The following ARHGEF12 variants were observed in gnomAD, a reference collection of about 807,000 sequenced individuals.
The protein encoded by ARHGEF12 is Rho guanine nucleotide exchange factor 12.
In ARHGEF12, 66 loss-of-function variants were observed where a neutral mutation model predicts 211.2. The ratio of observed to expected loss-of-function variants is 0.31; its 90% CI spans 0.26 to 0.38. The LOEUF (loss-of-function observed/expected upper bound fraction) is 0.38, where lower values mean the gene tolerates loss of function less well. Among genes scored for constraint, ARHGEF12 ranks in the 10% least tolerant of loss-of-function variants. The pLI, the probability that ARHGEF12 is intolerant of heterozygous loss-of-function variation, is 1.00. For synonymous variants in ARHGEF12, 592 were observed against 638.4 expected (o/e 0.93, Z 1.09); for missense variants, 1,429 against 1,869.5 (o/e 0.76, Z 4.34).
rs557241801 is a variant in ARHGEF12, at chr11:120,467,125, G to A, written c.2740-69G>A. On this transcript the variant is annotated intron_variant, in intron 28 of 40. Transcript: ENST00000397843. ...GAACTGTGATGCATTAAACCCTCAC[G>A]GTGAATACATGGTACATGTATAAGT... 1.9e-4 allele frequency: 184 copies of A among 979,942 alleles called. No individual in the cohort carries two copies. In the African/African-American group the frequency reaches 2.6e-3, roughly 14 times the overall value. 60.7% of individuals were successfully genotyped at this position (979,942 alleles called of 1,614,324 possible). A position where few individuals can be genotyped will look rare whatever the true frequency, so the allele number is the denominator to read the frequency against.
chr11:120,428,982 G>T (rs1945441263), intron 8 of ARHGEF12, among the ~76,000 whole-genome samples: 1 of 152,158 alleles, frequency 6.6e-6, no homozygotes, highest in African/African-American at 2.4e-5. Context: ...AAGAGTACAT[G>T]ATTATCCTAG....
chr11:120,341,324 C>CTGGGATTACAGGCTTGAGCCAT (rs56979770), intron 1 of ARHGEF12, among the ~76,000 whole-genome samples: 12 of 152,262 alleles, frequency 7.9e-5, no homozygotes, highest in African/African-American at 2.4e-4. Flanking sequence ...TCCCAAAGTG[C>CTGGGATTACAGGCTTGAGCCAT]CGGGATTACA....
At chr11:120,426,728 A>T (rs1945354999) in intron 7 of ARHGEF12, among the ~76,000 whole-genome samples, 2 of 152,244 alleles carry the variant, frequency 1.3e-5, no homozygotes, top group Non-Finnish European at 1.5e-5. Context: ...ACACCAAAAC[A>T]CTGTGAAATA....
At chr11:120,416,193 G>A (rs1945022081) in intron 4 of ARHGEF12, among the ~76,000 whole-genome samples, 1 of 151,974 alleles carries the variant, frequency 6.6e-6, no homozygotes, top group African/African-American at 2.4e-5. Context: ...TTTTCTCTCC[G>A]ATGACCTCCC....
chr11:120,483,088 G>A (rs1947296938), intron 39 of ARHGEF12, among the ~76,000 whole-genome samples: 1 of 152,048 alleles, frequency 6.6e-6, no homozygotes, highest in South Asian at 2.1e-4. Context: ...ACTTCACAGA[G>A]TGTACTTACA....
chr11:120,446,105 G>A (rs1946037946), intron 16 of ARHGEF12, among the ~76,000 whole-genome samples: 1 of 151,836 alleles, frequency 6.6e-6, no homozygotes, highest in South Asian at 2.1e-4. Flanking sequence ...GGCTGAGGCA[G>A]GAGAATGGCA....
At chr11:120,448,522 A>G (rs1946111927) in intron 20 of ARHGEF12, 174 bp downstream of exon 20, 4 of 598,358 alleles carry the variant, frequency 6.7e-6, no homozygotes, top group Admixed American at 6.2e-5. Flanking sequence ...TGAGAAATCC[A>G]GACATATAAA....
Position 120,374,802 on chromosome 11 carries a change from GACTAATTCATTAC to G in ARHGEF12, c.33-31314_33-31302del, listed in dbSNP as rs1413825351. On this transcript the variant is annotated intron_variant, in intron 1 of 40. Transcript: ENST00000397843. ...GTTACAGCAAAGATTATGCTTTTAT[GACTAATTCATTAC>G]ATTGAGTCATACATATTAATGATTC... Among the ~76,000 whole-genome samples the G allele has an allele frequency of 2.0e-5, 3 of 152,134 alleles. No homozygotes were observed. The East Asian group carries it at 5.8e-4, about 29-fold the overall frequency.
intron 4 of ARHGEF12, among the ~76,000 whole-genome samples, chr11:120,419,304 A>G (rs778078815): frequency 4.6e-5 from 7 of 151,276 alleles, no homozygotes; most frequent in Non-Finnish European, 1.0e-4. Context: ...ATTTTTGTCC[A>G]GTTTCCTAGG....
chr11:120,339,406 A>G (rs1942461992), intron 1 of ARHGEF12, among the ~76,000 whole-genome samples: 1 of 152,176 alleles, frequency 6.6e-6, no homozygotes, highest in Non-Finnish European at 1.5e-5. Flanking sequence ...AGTTACGAGT[A>G]TATAATAGTT....
chr11:120,377,288 A>G (rs1413879591), intron 1 of ARHGEF12, among the ~76,000 whole-genome samples: 1 of 152,052 alleles, frequency 6.6e-6, no homozygotes, highest in Non-Finnish European at 1.5e-5. Context: ...TGCCTTTTCT[A>G]CTTCATGTAA....
chr11:120,383,220 T>C (rs1358351469), intron 1 of ARHGEF12, among the ~76,000 whole-genome samples: 1 of 151,732 alleles, frequency 6.6e-6, no homozygotes, highest in Non-Finnish European at 1.5e-5. Context: ...TGTGAAGAAG[T>C]TAAGAGTGTA....
chr11:120,485,042 T>C, intron 40 of ARHGEF12, 25 bp from the exon 41 acceptor site: 1 of 1,610,724 alleles, frequency 6.2e-7, no homozygotes, highest in East Asian at 2.2e-5. Context: ...TTAATATCAT[T>C]TCCATGTATC....
intron 1 of ARHGEF12, among the ~76,000 whole-genome samples, chr11:120,401,705 T>A (rs753086877): frequency 1.1e-4 from 16 of 152,202 alleles, no homozygotes; most frequent in Non-Finnish European, 2.4e-4. Flanking sequence ...CAGGAAAATT[T>A]AAAGTGCAGA....
At chr11:120,464,809 A>G (rs1946647758) in intron 27 of ARHGEF12, 1 of 156,730 alleles carries the variant, frequency 6.4e-6, no homozygotes, top group Admixed American at 6.4e-5. Flanking sequence ...GGAGTTTGAG[A>G]ACAGCCTGGC....
intron 1 of ARHGEF12, among the ~76,000 whole-genome samples, chr11:120,400,352 T>G (rs890976690): frequency 2.0e-5 from 3 of 152,328 alleles, no homozygotes; most frequent in Non-Finnish European, 4.4e-5. Context: ...GAGTCCAGTT[T>G]ATTTACATTT....
intron 30 of ARHGEF12, among the ~76,000 whole-genome samples, chr11:120,470,239 G>A (rs1367254868): frequency 1.3e-5 from 2 of 152,224 alleles, no homozygotes; most frequent in Admixed American, 1.3e-4. Flanking sequence ...ATGAGTTGAA[G>A]AAGGGTGGTG....
Position 120,477,546 on chromosome 11 carries a change from T to G in ARHGEF12, c.3532+20T>G, listed in dbSNP as rs765432956. The G allele has an allele frequency of 2.5e-6, 4 of 1,598,716 alleles. No individual in the cohort carries two copies. In the South Asian group the frequency reaches 4.4e-5, roughly 18 times the overall value. On this transcript the variant is annotated intron_variant, in intron 36 of 40. Coordinates refer to ENST00000397843, the MANE Select transcript of ARHGEF12 (RefSeq NM_015313.3). ...GTCCAGGTACACTCTTCTGAAGAGT[T>G]CAATGGAGAATGTGCTCTATTATCT...
chr11:120,382,719 T>G (rs1050391197), intron 1 of ARHGEF12, among the ~76,000 whole-genome samples: 1 of 152,260 alleles, frequency 6.6e-6, no homozygotes, highest in Non-Finnish European at 1.5e-5. Flanking sequence ...TTACATTTCC[T>G]TAAAGTTGAG....
Sources: gnomAD v4.1 joint callset for allele counts (sites outside exome capture counted in the v4.1 genomes callset) on GRCh38, gnomAD v4.1.1 for gene constraint, MANE v1.5 for transcripts, NCBI Gene and HGNC (gene_info 2026-07-23, HGNC 2026-07-21) for gene names.